Variants in CEP89 observed in about 807,000 individuals in gnomAD.
CEP89 encodes the protein centrosomal protein 89.
A neutral mutation model predicts 97.6 loss-of-function variants in CEP89; 95 were observed. The ratio of observed to expected loss-of-function variants is 0.97; its 90% confidence interval spans 0.82 to 1.15. CEP89 has a LOEUF of 1.15. Among genes scored for constraint, CEP89 ranks in the 50% most tolerant of loss-of-function variants. The pLI is 0.00. For synonymous variants in CEP89, 354 were observed against 349.1 expected (o/e 1.01, Z -0.16); for missense variants, 869 against 947.7 (o/e 0.92, Z 1.09).
intron 12 of CEP89, among the ~76,000 whole-genome samples, chr19:32,919,169 G>T (rs918018164): frequency 6.6e-6 from 1 of 152,112 alleles, no homozygotes; most frequent in Non-Finnish European, 1.5e-5. Flanking sequence ...ATAGGCATGA[G>T]CCACCGCGTC....
chr19:32,915,614 A>G, intron 13 of CEP89, 97 bp from the exon 14 acceptor site: 1 of 1,116,516 alleles, frequency 9.0e-7, no homozygotes. Context: ...TCAGCTGATA[A>G]AAATGACCTT....
intron 16 of CEP89, 81 bp downstream of exon 16, chr19:32,899,776 A>C (rs1440464589): frequency 5.0e-6 from 7 of 1,408,592 alleles, no homozygotes; most frequent in Non-Finnish European, 6.9e-6. Context: ...AGCTTTTAAT[A>C]GATCATTTTT....
At chr19:32,927,522 AT>A in intron 9 of CEP89, among the ~76,000 whole-genome samples, 1 of 152,246 alleles carries the variant, frequency 6.6e-6, no homozygotes, top group South Asian at 2.1e-4. Context: ...TTCAAATTTC[AT>A]CTATTTTCCC....
At position 32,931,445 on chromosome 19, in the gene CEP89, T is replaced by C. The variant is rs1177698525; in HGVS notation, c.1013A>G (p.His338Arg). Residue 338 changes from histidine (H) to arginine (R), a missense_variant, in exon 9 of 19, where the codon CAT becomes CGT. His to Arg is a conservative substitution (Grantham distance 29, BLOSUM62 0). Coordinates refer to ENST00000305768, the MANE Select transcript of CEP89 (RefSeq NM_032816.5). ...ELSRYQTKFRHLSKEESLNIE... is the reference protein window; with the variant it reads ...ELSRYQTKFRRLSKEESLNIE... ...AAACGTTACCTCTTCCTTGGACAAA[T>C]GCCTGAATTTTGTCTGATATCGACT... 6.3e-7 allele frequency: 1 copy of C among 1,581,972 alleles called. No individual in the cohort carries two copies. Among genetic ancestry groups the C allele is most frequent in the Non-Finnish European group, 8.5e-7 (1 of 1,171,398 alleles).
intron 13 of CEP89, among the ~76,000 whole-genome samples, chr19:32,916,440 A>G (rs531085606): frequency 5.6e-4 from 86 of 152,332 alleles, no homozygotes; most frequent in Middle Eastern, 3.4e-3. Context: ...AATCACACCC[A>G]GGTGTGTAAG....
intron 1 of CEP89, among the ~76,000 whole-genome samples, chr19:32,968,168 C>T (rs1319464213): frequency 6.6e-6 from 1 of 152,182 alleles, no homozygotes; most frequent in Non-Finnish European, 1.5e-5. Flanking sequence ...ACCTGCCACC[C>T]TGTATTTGTC....
chr19:32,947,363 C>T (rs917333367), intron 5 of CEP89, among the ~76,000 whole-genome samples: 4 of 152,234 alleles, frequency 2.6e-5, no homozygotes, highest in South Asian at 2.1e-4. Context: ...CTAGGGAGAC[C>T]CTATCCTATC....
chr19:32,888,024 C>G (rs1466494191), intron 16 of CEP89, among the ~76,000 whole-genome samples, 183 bp from the exon 17 acceptor site: 1 of 152,208 alleles, frequency 6.6e-6, no homozygotes, highest in African/African-American at 2.4e-5. Context: ...TGAGGATGGG[C>G]AGGAACAGGG....
chr19:32,881,627 T>A (rs536828295), intron 18 of CEP89, among the ~76,000 whole-genome samples: 1 of 152,298 alleles, frequency 6.6e-6, no homozygotes, highest in South Asian at 2.1e-4. Flanking sequence ...TGTGCATTGA[T>A]TCCGGAAGTC....
intron 14 of CEP89, among the ~76,000 whole-genome samples, chr19:32,901,848 C>T (rs1262197563): frequency 2.0e-5 from 3 of 152,180 alleles, no homozygotes; most frequent in Admixed American, 2.0e-4. Context: ...TGGTTTCGAG[C>T]TCTTGGGCTC....
chr19:32,885,373 T>C (rs1277117827), intron 17 of CEP89, among the ~76,000 whole-genome samples: 2 of 152,190 alleles, frequency 1.3e-5, no homozygotes, highest in African/African-American at 4.8e-5. Context: ...CAGGCTAGAG[T>C]GCAGAGGCAC....
chr19:32,968,441 T>C (rs1311358153), intron 1 of CEP89, among the ~76,000 whole-genome samples: 1 of 152,022 alleles, frequency 6.6e-6, no homozygotes, highest in Admixed American at 6.6e-5. Flanking sequence ...AGAGATGGGG[T>C]TTTACCATGT....
At chr19:32,967,457 A>G (rs1302074620) in intron 1 of CEP89, among the ~76,000 whole-genome samples, 1 of 152,042 alleles carries the variant, frequency 6.6e-6, no homozygotes, top group Non-Finnish European at 1.5e-5. Flanking sequence ...TAATTATTAC[A>G]GAACATAGAA....
At chr19:32,934,282 C>G (rs1970535963) in intron 7 of CEP89, among the ~76,000 whole-genome samples, 1 of 152,154 alleles carries the variant, frequency 6.6e-6, no homozygotes, top group Non-Finnish European at 1.5e-5. Context: ...TACAGAGGCC[C>G]AGAGTCCCAG....
intron 17 of CEP89, among the ~76,000 whole-genome samples, chr19:32,883,740 T>C (rs1969335661): frequency 6.6e-6 from 1 of 152,180 alleles, no homozygotes; most frequent in African/African-American, 2.4e-5. Flanking sequence ...GAGGCTTTCT[T>C]TGTAGCCAAG....
At chr19:32,937,738 G>A (rs369250548) in intron 6 of CEP89, 65 bp from the exon 7 acceptor site, 34 of 1,126,830 alleles carry the variant, frequency 3.0e-5, no homozygotes, top group African/African-American at 4.7e-5. Flanking sequence ...GTGGACACAC[G>A]CAGCTAGGTC....
chr19:32,922,072 A>G (rs903021175), intron 12 of CEP89, among the ~76,000 whole-genome samples: 3 of 152,178 alleles, frequency 2.0e-5, no homozygotes, highest in Non-Finnish European at 4.4e-5. Context: ...GTTAACAGGC[A>G]TTTGCTGTTG....
chr19:32,889,962 C>G (rs778282328), intron 16 of CEP89, among the ~76,000 whole-genome samples: 1 of 152,014 alleles, frequency 6.6e-6, no homozygotes, highest in African/African-American at 2.4e-5. Context: ...AGAGGGGCAG[C>G]GCTGGGCCAG....
At chr19:32,892,103 TATATTTAGACATAC>T in intron 16 of CEP89, among the ~76,000 whole-genome samples, 1 of 146,950 alleles carries the variant, frequency 6.8e-6, no homozygotes, top group Non-Finnish European at 1.5e-5. Flanking sequence ...TATATATATA[TATATTTAGACATAC>T]ATATATTTAG....
Sources: gnomAD v4.1 joint callset for allele counts (sites outside exome capture counted in the v4.1 genomes callset) on GRCh38, gnomAD v4.1.1 for gene constraint, MANE v1.5 for transcripts, NCBI Gene and HGNC (gene_info 2026-07-23, HGNC 2026-07-21) for gene names.